The following CNPY2 variants were observed in gnomAD, a reference collection of about 807,000 sequenced individuals.
CNPY2 encodes protein canopy homolog 2.
A neutral mutation model predicts 25.5 loss-of-function variants in CNPY2; 19 were observed. That is an observed-to-expected ratio of 0.74 (90% CI 0.52 to 1.09). The LOEUF (loss-of-function observed/expected upper bound fraction) is 1.09. Among genes scored for constraint, CNPY2 ranks in the 50% least tolerant of loss-of-function variants. The probability of loss-of-function intolerance (pLI) is 0.00; values close to 1 mark genes in which losing one functional copy is unlikely to be tolerated. For missense variants in CNPY2, 214 were observed against 233.6 expected (o/e 0.92, Z 0.55); for synonymous variants, 82 against 85.0 (o/e 0.96, Z 0.19).
chr12:56,314,692 T>TG (rs1241840125), intron 3 of CNPY2, 159 bp downstream of exon 3: 4 of 1,480,774 alleles, frequency 2.7e-6, no homozygotes, highest in Non-Finnish European at 2.7e-6. Context: ...AGCAAGTGCA[T>TG]GGGGAATAAG....
At position 56,310,049 on chromosome 12, in the gene CNPY2, A is replaced by C. The variant is rs578145098; in HGVS notation, c.*503T>G. The C allele has an allele frequency of 7.2e-6, 5 of 697,900 alleles. No individual in the cohort carries two copies. Among genetic ancestry groups the C allele is most frequent in the South Asian group, 6.0e-5 (4 of 66,904 alleles). 43.2% of individuals were successfully genotyped at this position (697,900 alleles called of 1,614,324 possible). Reference sequence around the variant, plus strand: ...CTCCATCTGGATGGGCAGGGAAGGAAGAATAATGCATATCCGTTATTTCCT... The same window carrying C: ...CTCCATCTGGATGGGCAGGGAAGGACGAATAATGCATATCCGTTATTTCCT... On this transcript the variant is annotated 3_prime_UTR_variant, in exon 6 of 6. Transcript: ENST00000273308.
intron 1 of CNPY2, 37 bp from the exon 2 acceptor site, chr12:56,315,279 G>A: frequency 2.3e-6 from 3 of 1,321,080 alleles, no homozygotes; most frequent in African/African-American, 1.5e-5. Flanking sequence ...AGTGTGAGGA[G>A]CCGACTCCAT....
chr12:56,313,439 G>A (rs933379195), intron 3 of CNPY2, among the ~76,000 whole-genome samples: 19 of 152,008 alleles, frequency 1.2e-4, no homozygotes, highest in African/African-American at 3.6e-4. Context: ...GCGGTGAGCC[G>A]AGATCGTGTC....
chr12:56,315,143 ATCCTGGC>A lies in CNPY2; in HGVS notation c.68_74del (p.Ser23IlefsTer14). The A allele has an allele frequency of 6.2e-7, 1 of 1,613,952 alleles. No homozygotes were observed. Among genetic ancestry groups the A allele is most frequent in the Non-Finnish European group, 8.5e-7 (1 of 1,179,924 alleles). On this transcript the variant is annotated frameshift_variant, in exon 2 of 6. Transcript: ENST00000273308. LOFTEE classifies it high-confidence loss of function. ...TTGTGCCTTTACCTCCACAGTGGAG[ATCCTGGC>A]TCCTCCGAGCCCAGGCGGTTCCCAG...
chr12:56,309,885 T>C lies in CNPY2; in HGVS notation c.*667A>G. 1.4e-6 allele frequency: 1 copy of C among 701,946 alleles called. No homozygotes were observed. The highest frequency in any genetic ancestry group is 1.5e-5 in the South Asian group (1 of 67,498). The allele number at this position is 701,946 out of a possible 1,614,324, so 43.5% of individuals were successfully genotyped here. ...TTATTGTTGCCACTGGCATCAAATTTAAAAGCTTAGGCTGGCAAGCAAGGC... is the reference window on the plus strand; with the variant it reads ...TTATTGTTGCCACTGGCATCAAATTCAAAAGCTTAGGCTGGCAAGCAAGGC... On this transcript the variant is annotated 3_prime_UTR_variant, in exon 6 of 6. Coordinates refer to ENST00000273308, the MANE Select transcript of CNPY2 (RefSeq NM_014255.7).
rs1873683940 is a variant in CNPY2 at position 56,310,474 on chromosome 12, A to G, written c.*78T>C. ...TTTTTCAGTTAATTTCAGTAAAAAC[A>G]TAATATATAAAAGGCATTGCCACCA... On this transcript the variant is annotated 3_prime_UTR_variant, in exon 6 of 6. Transcript: ENST00000273308. The G allele has an allele frequency of 4.3e-6, 6 of 1,402,542 alleles. No homozygotes were observed. In the South Asian group the frequency reaches 4.7e-5, roughly 11 times the overall value. The allele number at this position is 1,402,542 out of a possible 1,614,324, so 86.9% of individuals were successfully genotyped here.
intron 3 of CNPY2, chr12:56,313,023 G>A (rs1873767383): frequency 6.6e-6 from 1 of 152,080 alleles, no homozygotes; most frequent in Non-Finnish European, 1.5e-5. Flanking sequence ...AGATACATGT[G>A]CAGAACGTGC....
At chr12:56,310,733 A>G in intron 5 of CNPY2, 138 bp from the exon 6 acceptor site, 1 of 941,856 alleles carries the variant, frequency 1.1e-6, no homozygotes. Flanking sequence ...TAAATGATAA[A>G]ACATCCCCAC....
At chr12:56,311,451 C>T in intron 3 of CNPY2, 37 bp from the exon 4 acceptor site, 2 of 1,575,412 alleles carry the variant, frequency 1.3e-6, no homozygotes, top group South Asian at 2.2e-5. Flanking sequence ...CTCTCTTCTA[C>T]CTCTGTACAT....
In CNPY2 at chr12:56,310,540, T is replaced by C. The variant is rs757496754; in HGVS notation, c.*12A>G. 2 of 1,614,164 alleles carry C rather than the reference T, an allele frequency of 1.2e-6. No homozygotes were observed. Among genetic ancestry groups the C allele is most frequent in the Non-Finnish European group, 1.7e-6 (2 of 1,179,958 alleles). On this transcript the variant is annotated 3_prime_UTR_variant, in exon 6 of 6. Transcript: ENST00000273308. ...GGTGATCCATCAAGCCAGTGTGGGC[T>C]GCTCCAGTGGTTCATAGCTCATCAT...
chr12:56,310,604 G>T lies in CNPY2; in HGVS notation c.506-9C>A. 6.2e-7 allele frequency: 1 copy of T among 1,614,108 alleles called. No individual in the cohort carries two copies. The highest frequency in any genetic ancestry group is 8.5e-7 in the Non-Finnish European group (1 of 1,179,982). On this transcript the variant is annotated splice_polypyrimidine_tract_variant and intron_variant, in intron 5 of 5. Coordinates refer to ENST00000273308, the MANE Select transcript of CNPY2 (RefSeq NM_014255.7). ...GGCATGGTCACAAAGATCTGCAAAT[G>T]GCAAACAATTTAAAGGAATATGCCA...
rs368738055 is a variant in CNPY2 at position 56,311,238 on chromosome 12, T to A, written c.381A>T (p.Ser127=). Residue 127 remains serine (S), a synonymous_variant, in exon 4 of 6, where the codon TCA becomes TCT. Coordinates refer to ENST00000273308, the MANE Select transcript of CNPY2 (RefSeq NM_014255.7). ...ELDLQGIRID[S]DISGTLKFAC... ...CAAACTTGAGGGTGCCGCTAATATC[T>A]GAGTCGATTCGGATGCCTTGTAGGT... The A allele has an allele frequency of 1.2e-6, 2 of 1,614,016 alleles. No individual in the cohort carries two copies. Among genetic ancestry groups the A allele is most frequent in the African/African-American group, 1.3e-5 (1 of 74,920 alleles).
Position 56,310,520 on chromosome 12 carries a change from T to A in CNPY2, c.*32A>T. 1 of 1,611,064 alleles carries A rather than the reference T, an allele frequency of 6.2e-7. No individual in the cohort carries two copies. The highest frequency in any genetic ancestry group is 8.5e-7 in the Non-Finnish European group (1 of 1,177,170). On this transcript the variant is annotated 3_prime_UTR_variant, in exon 6 of 6. Transcript: ENST00000273308. The stretch of plus-strand genomic sequence containing the variant: ...CACCATTTTCCCCTCCTGGGGGTGA[T>A]CCATCAAGCCAGTGTGGGCTGCTCC...
In CNPY2 at chr12:56,311,221, A is replaced by G. The variant is rs1158264150; in HGVS notation, c.398T>C (p.Leu133Pro). The change falls in exon 4 of 6, where the codon CTC becomes CCC. Residue 133 changes from leucine to proline, a missense_variant. By Grantham distance (98) the Leu-to-Pro change is moderately conservative. Coordinates refer to ENST00000273308, the MANE Select transcript of CNPY2 (RefSeq NM_014255.7). ...IRIDSDISGT[L>P]KFACESIVEE... ...ATTCCCATAGCTCACCGCAAACTTG[A>G]GGGTGCCGCTAATATCTGAGTCGAT... The G allele has an allele frequency of 6.2e-7, 1 of 1,614,010 alleles. No homozygotes were observed.
At chr12:56,312,222 CTTTTTTTT>C (rs56822059) in intron 3 of CNPY2, among the ~76,000 whole-genome samples, 13 of 135,926 alleles carry the variant, frequency 9.6e-5, no homozygotes, top group African/African-American at 3.7e-4. Context: ...CAAAGTACTT[CTTTTTTTT>C]TTTTTTTTTT....
At chr12:56,315,053 T>A in intron 2 of CNPY2, 77 bp downstream of exon 2, 1 of 1,597,020 alleles carries the variant, frequency 6.3e-7, no homozygotes, top group Non-Finnish European at 8.6e-7. Context: ...TTTCCATTCA[T>A]CCTTCTCCCA....
At chr12:56,311,482 T>G in intron 3 of CNPY2, 68 bp from the exon 4 acceptor site, 3 of 1,460,656 alleles carry the variant, frequency 2.1e-6, no homozygotes, top group Non-Finnish European at 2.9e-6. Context: ...TATCCTTACT[T>G]TTCTTTCCAA....
chr12:56,312,971 T>C (rs552572665), intron 3 of CNPY2: 57 of 152,350 alleles, frequency 3.7e-4, no homozygotes, highest in African/African-American at 1.3e-3. Context: ...CTAATTTCTA[T>C]AGATGAAGAT....
chr12:56,311,079 T>G, intron 4 of CNPY2, 25 bp from the exon 5 acceptor site: 1 of 1,612,312 alleles, frequency 6.2e-7, no homozygotes, highest in Non-Finnish European at 8.5e-7. Flanking sequence ...GAGAAATGGG[T>G]GACACAGGGC....
Sources: gnomAD v4.1 joint callset for allele counts (sites outside exome capture counted in the v4.1 genomes callset) on GRCh38, gnomAD v4.1.1 for gene constraint, MANE v1.5 for transcripts, NCBI Gene and HGNC (gene_info 2026-07-23, HGNC 2026-07-21) for gene names.